The following KRT32 variants were observed in gnomAD, a reference collection of about 807,000 sequenced individuals.
KRT32 encodes keratin 32.
KRT32 carries 44 observed loss-of-function variants against 41.8 expected under a neutral mutation model. The ratio of observed to expected loss-of-function variants is 1.05; its 90% confidence interval spans 0.83 to 1.35. The LOEUF (loss-of-function observed/expected upper bound fraction) is 1.35. Among genes scored for constraint, KRT32 ranks in the 40% most tolerant of loss-of-function variants. KRT32 has a pLI of 0.00. For missense variants in KRT32, 576 were observed against 584.6 expected (o/e 0.99, Z 0.15); for synonymous variants, 238 against 242.5 (o/e 0.98, Z 0.17).
rs769855268 is a variant in KRT32, at chr17:41,462,907, C to G, written c.1140G>C (p.Gln380His). The G allele has an allele frequency of 2.5e-6, 4 of 1,614,134 alleles. No homozygotes were observed. The South Asian group carries it at 3.3e-5, about 13-fold the overall frequency. ...ADLERQNQEYQVLLDVRARLE... is the reference protein window; with the variant it reads ...ADLERQNQEYHVLLDVRARLE... ...GCCGGGCCCGGACGTCCAGCAGCACCTGGTACTCCTGGTTCTGCCGCTCCA... is the reference window on the plus strand; with the variant it reads ...GCCGGGCCCGGACGTCCAGCAGCACGTGGTACTCCTGGTTCTGCCGCTCCA... Residue 380 changes from glutamine (Q) to histidine (H), a missense_variant, in exon 6 of 7, where the codon CAG (glutamine) becomes CAC (histidine). Gln to His is a conservative substitution (Grantham distance 24, BLOSUM62 0). Transcript: ENST00000225899.
rs1339052548 is a variant in KRT32 at position 41,460,243 on chromosome 17, C to A, written c.1218-4G>T. On this transcript the variant is annotated splice_region_variant and splice_polypyrimidine_tract_variant and intron_variant, in intron 6 of 6. Coordinates refer to ENST00000225899, the MANE Select transcript of KRT32 (RefSeq NM_002278.3). ...GGAGCATGGGTTACAGGGCAGCCTG[C>A]AGGAGAAAGTCAAAGAGAAACAGGA... 1 of 1,586,878 alleles carries A rather than the reference C, an allele frequency of 6.3e-7. No homozygotes were observed. Among genetic ancestry groups the A allele is most frequent in the Non-Finnish European group, 8.6e-7 (1 of 1,166,316 alleles).
chr17:41,462,868 G>C lies in KRT32; in HGVS notation c.1179C>G (p.Ile393Met). 1 of 1,613,756 alleles carries C rather than the reference G, an allele frequency of 6.2e-7. No homozygotes were observed. Among genetic ancestry groups the C allele is most frequent in the South Asian group, 1.1e-5 (1 of 91,054 alleles). ...LDVRARLEGE[I>M]NTYRSLLENE... ...TCTCCAGCAGGCTCCGGTACGTGTT[G>C]ATCTCGCCCTCCAGCCGGGCCCGGA... The change falls in exon 6 of 7, where the codon ATC (isoleucine) becomes ATG (methionine). Residue 393 changes from isoleucine to methionine, a missense_variant. Coordinates refer to ENST00000225899, the MANE Select transcript of KRT32 (RefSeq NM_002278.3).
intron 3 of KRT32, 122 bp downstream of exon 3, chr17:41,465,651 C>T (rs554215078): frequency 3.6e-5 from 36 of 1,000,246 alleles, no homozygotes; most frequent in Non-Finnish European, 5.2e-5. Context: ...ATAAATTGGG[C>T]AAAGTCACTA....
rs768080183 is a variant in KRT32 at position 41,464,104 on chromosome 17, T to C, written c.970A>G (p.Ile324Val). ...AGGCTGTGCTGGGCCTGCAGCTCGA[T>C]CTCCAGCGTGTTGACCGTGCGTCTC... ...DLRRTVNTLE[I>V]ELQAQHSLRD... is the part of the protein sequence containing the mutation. Residue 324 changes from isoleucine to valine, a missense_variant, in exon 5 of 7, where the codon ATC becomes GTC. Transcript: ENST00000225899. 6.2e-7 allele frequency: 1 copy of C among 1,607,570 alleles called. No homozygotes were observed. The highest frequency in any genetic ancestry group is 1.1e-5 in the South Asian group (1 of 90,128).
At position 41,464,223 on chromosome 17, in the gene KRT32, A is replaced by T. The variant is rs945460908; in HGVS notation, c.871-20T>A. 1 of 1,594,120 alleles carries T rather than the reference A, an allele frequency of 6.3e-7. No homozygotes were observed. Among genetic ancestry groups the T allele is most frequent in the Non-Finnish European group, 8.6e-7 (1 of 1,169,542 alleles). On this transcript the variant is annotated intron_variant, in intron 4 of 6. Transcript: ENST00000225899. Reference sequence around the variant, plus strand: ...CTCCATCTGCAGTTGGGGGAAGGAGAAGGCTAGAGTCCCTTCCTAGGGATA... The same window carrying T: ...CTCCATCTGCAGTTGGGGGAAGGAGTAGGCTAGAGTCCCTTCCTAGGGATA...
intron 1 of KRT32, 133 bp downstream of exon 1, chr17:41,466,725 A>G: frequency 1.5e-6 from 1 of 658,304 alleles, no homozygotes; most frequent in South Asian, 2.0e-5. Flanking sequence ...CTCAAATTAT[A>G]AAATAACCCT....
intron 1 of KRT32, among the ~76,000 whole-genome samples, chr17:41,466,403 A>G (rs77718841): frequency 0.025 from 3,821 of 152,300 alleles, 114 homozygotes; most frequent in East Asian, 0.1. Flanking sequence ...CAAATTCCCC[A>G]TTTTGGATGT....
chr17:41,464,017 G>A (rs370452401), intron 5 of KRT32, 61 bp downstream of exon 5: 6 of 1,427,216 alleles, frequency 4.2e-6, no homozygotes, highest in East Asian at 2.5e-5. Flanking sequence ...CTGGGGACCT[G>A]CACCTATGCT....
rs367809321 is a variant in KRT32, at chr17:41,464,102, G to C, written c.972C>G (p.Ile324Met). The C allele has an allele frequency of 1.9e-6, 3 of 1,606,374 alleles. No individual in the cohort carries two copies. The highest frequency in any genetic ancestry group is 2.2e-5 in the South Asian group (2 of 89,928). Residue 324 changes from isoleucine (I) to methionine (M), a missense_variant, in exon 5 of 7, where the codon ATC becomes ATG. By Grantham distance (10) the Ile-to-Met change is conservative. Transcript: ENST00000225899. ...CCAGGCTGTGCTGGGCCTGCAGCTC[G>C]ATCTCCAGCGTGTTGACCGTGCGTC... Reference protein sequence around the residue: ...DLRRTVNTLEIELQAQHSLRD... With the variant: ...DLRRTVNTLEMELQAQHSLRD...
rs544903437 is a variant in KRT32, at chr17:41,465,800, C to G, written c.681G>C (p.Leu227=). Residue 227 remains leucine (L), a synonymous_variant, in exon 3 of 7, where the codon CTG becomes CTC. Coordinates refer to ENST00000225899, the MANE Select transcript of KRT32 (RefSeq NM_002278.3). ...EAQVESLKEE[L]MCLKKNHEEE... is the part of the protein sequence containing the mutation. ...CCTCATGGTTCTTTTTGAGGCACAT[C>G]AGCTCCTCCTTCAGGGACTCAACCT... 4.4e-4 allele frequency: 705 copies of G among 1,612,796 alleles called. 14 individuals are homozygous for G. The South Asian group carries it at 6.9e-3, about 16-fold the overall frequency.
intron 3 of KRT32, 29 bp downstream of exon 3, chr17:41,465,744 G>T (rs965515263): frequency 2.5e-6 from 4 of 1,593,502 alleles, no homozygotes; most frequent in Non-Finnish European, 3.4e-6. Context: ...TGCTTCCCGG[G>T]GCCACTTCAG....
At chr17:41,462,611 A>G (rs2019013259) in intron 6 of KRT32, among the ~76,000 whole-genome samples, 1 of 152,180 alleles carries the variant, frequency 6.6e-6, no homozygotes, top group Non-Finnish European at 1.5e-5. Flanking sequence ...GGAGCTTGCC[A>G]GCTTGGAATG....
At position 41,460,336 on chromosome 17, in the gene KRT32, C is replaced by T; in HGVS notation, c.1218-97G>A. ...CCCCTCGGATGCCTCTCAACCCCATCTTCCGTGCTTTCTCTGCCCAGCCTC... is the reference window on the plus strand; with the variant it reads ...CCCCTCGGATGCCTCTCAACCCCATTTTCCGTGCTTTCTCTGCCCAGCCTC... On this transcript the variant is annotated intron_variant, in intron 6 of 6. Coordinates refer to ENST00000225899, the MANE Select transcript of KRT32 (RefSeq NM_002278.3). 3 of 1,431,886 alleles carry T rather than the reference C, an allele frequency of 2.1e-6. No individual in the cohort carries two copies. The East Asian group carries it at 7.6e-5, about 36-fold the overall frequency. 88.7% of individuals were successfully genotyped at this position (1,431,886 alleles called of 1,614,324 possible).
At chr17:41,460,947 T>C (rs2018996587) in intron 6 of KRT32, among the ~76,000 whole-genome samples, 1 of 152,188 alleles carries the variant, frequency 6.6e-6, no homozygotes, top group Admixed American at 6.5e-5. Flanking sequence ...CCTCACCTGA[T>C]AGCTCCATTG....
chr17:41,460,061 C>G lies in KRT32; in HGVS notation c.*49G>C. On this transcript the variant is annotated 3_prime_UTR_variant, in exon 7 of 7. Transcript: ENST00000225899. ...TGCTCTTCTGGTGGCCACTGAATACCAGGCTGCCCAGCCCCAGGCCCTCCA... is the reference window on the plus strand; with the variant it reads ...TGCTCTTCTGGTGGCCACTGAATACGAGGCTGCCCAGCCCCAGGCCCTCCA... 1 of 1,541,208 alleles carries G rather than the reference C, an allele frequency of 6.5e-7. No homozygotes were observed. Among genetic ancestry groups the G allele is most frequent in the Non-Finnish European group, 8.7e-7 (1 of 1,145,206 alleles).
chr17:41,466,882 C>T lies in KRT32; in HGVS notation c.444G>A (p.Arg148=), dbSNP rs756393840. 2.5e-6 allele frequency: 4 copies of T among 1,613,600 alleles called. No individual in the cohort carries two copies. Residue 148 remains arginine (R), a synonymous_variant, in exon 1 of 7, where the codon AGG becomes AGA. Coordinates refer to ENST00000225899, the MANE Select transcript of KRT32 (RefSeq NM_002278.3). Reference sequence around the variant, plus strand: ...CCTTCTGCTGGAGCTCCTCAATGGTCCTGAAATGAGACTGGTAGTCAGGAG... The same window carrying T: ...CCTTCTGCTGGAGCTCCTCAATGGTTCTGAAATGAGACTGGTAGTCAGGAG... The part of the protein sequence containing the change: ...TMTPDYQSHF[R]TIEELQQKIL...
intron 6 of KRT32, 122 bp downstream of exon 6, chr17:41,462,708 A>G: frequency 9.3e-7 from 1 of 1,078,702 alleles, no homozygotes; most frequent in South Asian, 1.6e-5. Flanking sequence ...CAGCTTCTTA[A>G]TGGCTCCATA....
chr17:41,466,733 C>A, intron 1 of KRT32, 125 bp downstream of exon 1: 2 of 674,608 alleles, frequency 3.0e-6, no homozygotes, highest in South Asian at 1.9e-5. Flanking sequence ...ATAAAATAAC[C>A]CTATGCCCTA....
rs746928947 is a variant in KRT32, at chr17:41,467,248, G to A, written c.78C>T (p.Ser26=). ...KSCPRPASVC[S]SGVNCRPELC... ...GCTCAGGCCGGCAGTTCACGCCGCT[G>A]GAACAGACCGAGGCAGGCCGGGGGC... Residue 26 remains serine (S), a synonymous_variant, in exon 1 of 7, where the codon TCC becomes TCT. Coordinates refer to ENST00000225899, the MANE Select transcript of KRT32 (RefSeq NM_002278.3). 8.1e-6 allele frequency: 13 copies of A among 1,613,646 alleles called. No individual in the cohort carries two copies. The highest frequency in any genetic ancestry group is 8.5e-6 in the Non-Finnish European group (10 of 1,180,024).
Sources: gnomAD v4.1 joint callset for allele counts (sites outside exome capture counted in the v4.1 genomes callset) on GRCh38, gnomAD v4.1.1 for gene constraint, MANE v1.5 for transcripts, NCBI Gene and HGNC (gene_info 2026-07-23, HGNC 2026-07-21) for gene names.